The following CHUK variants were observed in gnomAD, a reference collection of about 807,000 sequenced individuals.
The protein encoded by CHUK is component of inhibitor of nuclear factor kappa B kinase complex.
A neutral mutation model predicts 104.8 loss-of-function variants in CHUK; 35 were observed. The observed-to-expected ratio is 0.33, with a 90% CI of 0.26 to 0.44. The LOEUF is 0.44. CHUK is among the 20% of genes least tolerant of loss of function. The probability of loss-of-function intolerance (pLI) is 1.00; values close to 1 mark genes in which losing one functional copy is unlikely to be tolerated. For missense variants in CHUK, 663 were observed against 902.7 expected, an observed-to-expected ratio of 0.73 and a Z score of 3.40; for synonymous variants, 276 against 291.9, an observed-to-expected ratio of 0.95 and a Z score of 0.56.
chr10:100,205,106 C>T lies in CHUK; in HGVS notation c.1325G>A (p.Ser442Asn). Residue 442 changes from serine to asparagine, a missense_variant, in exon 12 of 21, where the codon AGC becomes AAC. Physicochemically the swap from Ser to Asn is conservative, Grantham distance 46 (BLOSUM62 1). This residue lies in a region of CHUK where 311 missense variants were observed against 393.4 expected (regional missense o/e 0.79). Transcript: ENST00000370397. ...TGCCCTTTGTCCCTGAAAGAGCCTG[C>T]TATAGTCTTCTTTTAGTCCAGACAC... Reference protein sequence around the residue: ...HYVSGLKEDYSRLFQGQRAAM... With the variant: ...HYVSGLKEDYNRLFQGQRAAM... The T allele has an allele frequency of 6.2e-7, 1 of 1,614,114 alleles. No individual in the cohort carries two copies.
At chr10:100,201,156 T>C (rs938091470) in intron 14 of CHUK, among the ~76,000 whole-genome samples, 1 of 152,128 alleles carries the variant, frequency 6.6e-6, no homozygotes, top group African/African-American at 2.4e-5. Flanking sequence ...TGGTCCCCAC[T>C]ACCTTGAATA....
In CHUK at chr10:100,209,714, G is replaced by A. The variant is rs1845677467; in HGVS notation, c.1009C>T (p.Leu337=). Residue 337 remains leucine (L), a synonymous_variant, in exon 10 of 21, where the codon CTA becomes TTA. Coordinates refer to ENST00000370397, the MANE Select transcript of CHUK (RefSeq NM_001278.5). The stretch of plus-strand genomic sequence containing the variant: ...GTTTCACGCTCAATACGAGACTGTA[G>A]TGAATGAAGACTTTCATCAGGTGGT... ...LLPPDESLHS[L]QSRIERETGI... is the part of the protein sequence containing the mutation. 1.3e-6 allele frequency: 2 copies of A among 1,565,890 alleles called. No individual in the cohort carries two copies. Among genetic ancestry groups the A allele is most frequent in the Admixed American group, 3.3e-5 (2 of 59,924 alleles).
intron 11 of CHUK, among the ~76,000 whole-genome samples, chr10:100,206,280 T>A (rs1845589612): frequency 6.6e-6 from 1 of 152,012 alleles, no homozygotes; most frequent in African/African-American, 2.4e-5. Context: ...TATTTTATGT[T>A]TTTTATTTAT....
rs1281060188 is a variant in CHUK at position 100,188,623 on chromosome 10, C to G, written c.*975G>C. On this transcript the variant is annotated 3_prime_UTR_variant, in exon 21 of 21. Coordinates refer to ENST00000370397, the MANE Select transcript of CHUK (RefSeq NM_001278.5). ...TGGCAGCAGCCCTCCCTCTCATCAT[C>G]AAGCAGCAAAATAAAGGAATATTCA... 6.6e-6 allele frequency: 1 copy of G among 152,478 alleles called. No homozygotes were observed. The highest frequency in any genetic ancestry group is 1.5e-5 in the Non-Finnish European group (1 of 68,026). 9.4% of individuals were successfully genotyped at this position (152,478 alleles called of 1,614,324 possible).
At chr10:100,228,976 AGCGCGC>A (rs150099726) in intron 1 of CHUK, among the ~76,000 whole-genome samples, 21 of 134,980 alleles carry the variant, frequency 1.6e-4, no homozygotes, top group African/African-American at 5.8e-4. Context: ...ATGGCCTCCA[AGCGCGC>A]GCGCGCGCGC....
chr10:100,219,854 A>T (rs1163432023), intron 5 of CHUK, among the ~76,000 whole-genome samples: 7 of 152,090 alleles, frequency 4.6e-5, no homozygotes, highest in Non-Finnish European at 1.0e-4. Context: ...AAAAAAAAAA[A>T]AAGCAGAGAT....
chr10:100,219,169 A>G (rs1030450492), intron 6 of CHUK, 37 bp from the exon 7 acceptor site: 1 of 1,608,706 alleles, frequency 6.2e-7, no homozygotes, highest in Non-Finnish European at 8.5e-7. Flanking sequence ...CCAACACTGT[A>G]TGGGAAAAGC....
intron 12 of CHUK, 123 bp from the exon 13 acceptor site, chr10:100,204,780 T>A: frequency 1.2e-6 from 1 of 825,378 alleles, no homozygotes; most frequent in Non-Finnish European, 1.9e-6. Flanking sequence ...ATTATCAATC[T>A]ATGAGAAATA....
intron 16 of CHUK, among the ~76,000 whole-genome samples, chr10:100,196,917 A>T (rs529336629): frequency 3.9e-5 from 6 of 152,252 alleles, no homozygotes; most frequent in Admixed American, 3.3e-4. Flanking sequence ...TCTCTTTCCA[A>T]TATCAATAGT....
Position 100,222,932 on chromosome 10 carries a change from C to G in CHUK, c.249G>C (p.Leu83Phe). The change falls in exon 3 of 21, where the codon TTG (leucine) becomes TTC (phenylalanine). Residue 83 changes from leucine (L) to phenylalanine (F), a missense_variant. Leu to Phe is a conservative substitution (Grantham distance 22). Coordinates refer to ENST00000370397, the MANE Select transcript of CHUK (RefSeq NM_001278.5). ...VVKACDVPEE[L>F]NILIHDVPLL... ...GAGGCACATCATGAATCAAAATATT[C>G]AATTCTTCAGGAACATCACAGGCCT... is the stretch of plus-strand genomic sequence containing the variant. 1 of 1,609,556 alleles carries G rather than the reference C, an allele frequency of 6.2e-7. No homozygotes were observed. The highest frequency in any genetic ancestry group is 8.5e-7 in the Non-Finnish European group (1 of 1,176,206).
intron 16 of CHUK, among the ~76,000 whole-genome samples, chr10:100,197,342 C>A (rs1234406742): frequency 2.6e-5 from 4 of 152,134 alleles, no homozygotes; most frequent in African/African-American, 7.2e-5. Flanking sequence ...TGAGAAGTGA[C>A]CTCCCTTGAC....
chr10:100,228,662 A>AAAAC, intron 1 of CHUK, among the ~76,000 whole-genome samples: 1 of 152,306 alleles, frequency 6.6e-6, no homozygotes, highest in East Asian at 1.9e-4. Flanking sequence ...CTCAAAAACA[A>AAAAC]AAACAAACAA....
At chr10:100,209,201 A>G (rs1845663454) in intron 10 of CHUK, among the ~76,000 whole-genome samples, 1 of 152,244 alleles carries the variant, frequency 6.6e-6, no homozygotes, top group Non-Finnish European at 1.5e-5. Context: ...GAAGATAAAT[A>G]AACTACGGAA....
At chr10:100,196,449 T>C (rs1845331880) in intron 16 of CHUK, among the ~76,000 whole-genome samples, 1 of 151,190 alleles carries the variant, frequency 6.6e-6, no homozygotes, top group African/African-American at 2.4e-5. Context: ...TGCAGTAGTG[T>C]AATCTTGGCT....
intron 9 of CHUK, among the ~76,000 whole-genome samples, chr10:100,214,929 A>G (rs573755210): frequency 6.6e-6 from 1 of 152,288 alleles, no homozygotes; most frequent in African/African-American, 2.4e-5. Flanking sequence ...GAAGTGTAGG[A>G]AATCTATAGA....
intron 13 of CHUK, among the ~76,000 whole-genome samples, chr10:100,203,930 G>A (rs1223784744): frequency 6.6e-6 from 1 of 152,160 alleles, no homozygotes; most frequent in Non-Finnish European, 1.5e-5. Context: ...ATTTCTTATA[G>A]TTCTGGAGGC....
At position 100,209,737 on chromosome 10, in the gene CHUK, G is replaced by A; in HGVS notation, c.986C>T (p.Pro329Leu). The A allele has an allele frequency of 6.4e-7, 1 of 1,554,920 alleles. No homozygotes were observed. The highest frequency in any genetic ancestry group is 8.9e-7 in the Non-Finnish European group (1 of 1,126,342). The change falls in exon 10 of 21, where the codon CCA (proline) becomes CTA (leucine). Residue 329 changes from proline (P) to leucine (L), a missense_variant. Coordinates refer to ENST00000370397, the MANE Select transcript of CHUK (RefSeq NM_001278.5). ...TAGTGAATGAAGACTTTCATCAGGT[G>A]GTAACAGAAAAGAAATTATCTTTGC... ...TSAKIISFLL[P>L]PDESLHSLQS... is the part of the protein sequence containing the mutation.
intron 20 of CHUK, 62 bp downstream of exon 20, chr10:100,190,807 A>G (rs1270803456): frequency 2.2e-6 from 2 of 919,254 alleles, no homozygotes; most frequent in Non-Finnish European, 3.7e-6. Context: ...GCTAGCATGG[A>G]AAGTTAAACC....
chr10:100,205,619 C>T (rs1478296763), intron 11 of CHUK, among the ~76,000 whole-genome samples: 1 of 152,180 alleles, frequency 6.6e-6, no homozygotes, highest in Non-Finnish European at 1.5e-5. Flanking sequence ...TCTGGACCAA[C>T]AATCCAGGTT....
Sources: gnomAD v4.1 joint callset for allele counts (sites outside exome capture counted in the v4.1 genomes callset) on GRCh38, gnomAD v4.1.1 for gene constraint, gnomAD v4.1.1 regional missense constraint, MANE v1.5 for transcripts, NCBI Gene and HGNC (gene_info 2026-07-23, HGNC 2026-07-21) for gene names.